OR5V1: variants seen among roughly 807,000 people sequenced by gnomAD.
OR5V1 encodes olfactory receptor family 5 subfamily V member 1.
For missense variants in OR5V1, 365 were observed against 371.5 expected, an observed-to-expected ratio of 0.98 and a Z score of 0.14; for synonymous variants, 134 against 143.2, an observed-to-expected ratio of 0.94 and a Z score of 0.46.
At chr6:29,367,044 A>G (rs1057486628) in intron 1 of OR5V1, among the ~76,000 whole-genome samples, 1 of 152,160 alleles carries the variant, frequency 6.6e-6, no homozygotes, top group Non-Finnish European at 1.5e-5. Flanking sequence ...AAACGACTAA[A>G]TGAAATAACT....
intron 1 of OR5V1, among the ~76,000 whole-genome samples, chr6:29,366,067 CACT>C (rs1778839692): frequency 1.3e-5 from 2 of 152,042 alleles, no homozygotes. Flanking sequence ...GAAAACCAGA[CACT>C]ACATGTTCTC....
rs373922483 is a variant in OR5V1 at position 29,367,496 on chromosome 6, A to G, written c.-83+1136T>C. On this transcript the variant is annotated intron_variant, in intron 1 of 1. Transcript: ENST00000641768. ...GTATAGCAAAATTTTCCAAGAAAAC[A>G]ATTGTATTTCCTCCCTTTTTTACAT... 7.9e-5 allele frequency among the ~76,000 whole-genome samples: 12 copies of G among 152,310 alleles called. No homozygotes were observed. The South Asian group carries it at 1.7e-3, about 21-fold the overall frequency.
At chr6:29,366,459 G>A (rs1163227062) in intron 1 of OR5V1, among the ~76,000 whole-genome samples, 1 of 152,054 alleles carries the variant, frequency 6.6e-6, no homozygotes, top group Non-Finnish European at 1.5e-5. Context: ...TCAGAGGAGA[G>A]GTATGTACTA....
At position 29,367,874 on chromosome 6, in the gene OR5V1, A is replaced by G. The variant is rs115614032; in HGVS notation, c.-83+758T>C. The stretch of plus-strand genomic sequence containing the variant: ...CAAGCAGCCATGGTCTTGACTCCTT[A>G]CTAAAGAACCGAAACTTGATATAAT... On this transcript the variant is annotated intron_variant, in intron 1 of 1. Transcript: ENST00000641768. Among the ~76,000 whole-genome samples the G allele has an allele frequency of 5.2e-3, 789 of 152,278 alleles. 5 individuals carry two copies. The highest frequency in any genetic ancestry group is 6.8e-3 in the Middle Eastern group (2 of 294).
intron 1 of OR5V1, among the ~76,000 whole-genome samples, chr6:29,364,183 C>T (rs190696977): frequency 5.3e-5 from 8 of 152,158 alleles, no homozygotes; most frequent in African/African-American, 1.7e-4. Flanking sequence ...CATGAGTGAA[C>T]TCCCATTCAC....
Position 29,355,897 on chromosome 6 carries a change from T to C in OR5V1, c.299A>G (p.Gln100Arg). The C allele has an allele frequency of 6.2e-7, 1 of 1,614,054 alleles. No individual in the cohort carries two copies. Residue 100 changes from glutamine to arginine, a missense_variant, in exon 2 of 2, where the codon CAA becomes CGA. Physicochemically the swap from Gln to Arg is conservative, Grantham distance 43. Coordinates refer to ENST00000641768, the MANE Select transcript of OR5V1 (RefSeq NM_030876.6). ...KSISYVGCVV[Q>R]LFAFVFFVGS... ...TACAAAGAAAACAAATGCAAAAAGTTGAACCACACACCCCACATAAGAAAT... is the reference window on the plus strand; with the variant it reads ...TACAAAGAAAACAAATGCAAAAAGTCGAACCACACACCCCACATAAGAAAT...
Position 29,355,101 on chromosome 6 carries a change from CT to C in OR5V1, c.*128del. The C allele has an allele frequency of 2.4e-6, 2 of 818,064 alleles. No individual in the cohort carries two copies. Among genetic ancestry groups the C allele is most frequent in the South Asian group, 4.3e-5 (2 of 46,908 alleles). The allele number at this position is 818,064 out of a possible 1,614,324, so 50.7% of individuals were successfully genotyped here. A position where few individuals can be genotyped will look rare whatever the true frequency, so the allele number is the denominator to read the frequency against. On this transcript the variant is annotated 3_prime_UTR_variant, in exon 2 of 2. Transcript: ENST00000641768. ...TAACTAAAGCTCAAGAATAAGTACA[CT>C]TAGACTGGAGTGTATCAACTCTTCA...
rs1474939881 is a variant in OR5V1, at chr6:29,366,836, G to A, written c.-83+1796C>T. Among the ~76,000 whole-genome samples the A allele has an allele frequency of 2.6e-5, 4 of 152,166 alleles. No individual in the cohort carries two copies. In the East Asian group the frequency reaches 5.8e-4, roughly 22 times the overall value. On this transcript the variant is annotated intron_variant, in intron 1 of 1. Transcript: ENST00000641768. ...TCAGCTGTCCAGTTCTCAAAATAGC[G>A]AAGGAGGACACACTTGGCTCAGCAG...
At chr6:29,365,121 T>C (rs938557368) in intron 1 of OR5V1, among the ~76,000 whole-genome samples, 1 of 152,044 alleles carries the variant, frequency 6.6e-6, no homozygotes, top group African/African-American at 2.4e-5. Context: ...ACTGGACCCC[T>C]CCCTTACACC....
Position 29,354,015 on chromosome 6 carries a change from G to T in OR5V1, c.*1215C>A, listed in dbSNP as rs1405391666. On this transcript the variant is annotated 3_prime_UTR_variant, in exon 2 of 2. Coordinates refer to ENST00000641768, the MANE Select transcript of OR5V1 (RefSeq NM_030876.6). ...GGAATGGAGACAAGGCACTCCACTA[G>T]AACACTATGACAACATTACACAAAA... 6.6e-6 allele frequency: 1 copy of T among 152,048 alleles called. No individual in the cohort carries two copies. Among genetic ancestry groups the T allele is most frequent in the African/African-American group, 2.4e-5 (1 of 41,424 alleles). 9.4% of individuals were successfully genotyped at this position (152,048 alleles called of 1,614,324 possible).
chr6:29,355,841 C>A lies in OR5V1; in HGVS notation c.355G>T (p.Ala119Ser). The change falls in exon 2 of 2, where the codon GCA becomes TCA. Residue 119 changes from alanine to serine, a missense_variant. Ala to Ser is a moderately conservative substitution (Grantham distance 99, BLOSUM62 1). Transcript: ENST00000641768. ...GSECLLLAAM[A>S]YDRYIAICNP... Reference sequence around the variant, plus strand: ...CAGATTGCAATGTAACGATCATATGCCATTGCTGCCAGTAGGAGACACTCT... The same window carrying A: ...CAGATTGCAATGTAACGATCATATGACATTGCTGCCAGTAGGAGACACTCT... 6.2e-7 allele frequency: 1 copy of A among 1,613,964 alleles called. No individual in the cohort carries two copies. Among genetic ancestry groups the A allele is most frequent in the Non-Finnish European group, 8.5e-7 (1 of 1,179,948 alleles).
At chr6:29,368,309 C>T (rs1778958185) in intron 1 of OR5V1, among the ~76,000 whole-genome samples, 1 of 152,146 alleles carries the variant, frequency 6.6e-6, no homozygotes, top group Non-Finnish European at 1.5e-5. Flanking sequence ...CTCTGCAGTC[C>T]AGTGGCATTT....
chr6:29,362,821 C>G (rs974644467), intron 1 of OR5V1, among the ~76,000 whole-genome samples: 1 of 152,126 alleles, frequency 6.6e-6, no homozygotes, highest in East Asian at 1.9e-4. Flanking sequence ...AAATTTAGAG[C>G]ACTAAATGCC....
chr6:29,368,073 AAG>A (rs1213780834), intron 1 of OR5V1, among the ~76,000 whole-genome samples: 2 of 152,180 alleles, frequency 1.3e-5, no homozygotes, highest in African/African-American at 4.8e-5. Context: ...CTCTTCATTA[AAG>A]AGTGTTCTCA....
intron 1 of OR5V1, among the ~76,000 whole-genome samples, chr6:29,365,274 C>A (rs1778794205): frequency 6.8e-6 from 1 of 147,906 alleles, no homozygotes; most frequent in South Asian, 2.1e-4. Context: ...AAAAGCAATG[C>A]AACAAAAGCC....
chr6:29,362,258 C>T (rs1318351469), intron 1 of OR5V1, among the ~76,000 whole-genome samples: 1 of 152,122 alleles, frequency 6.6e-6, no homozygotes, highest in Non-Finnish European at 1.5e-5. Flanking sequence ...TACATATGCA[C>T]CCAATAAAGG....
intron 1 of OR5V1, 123 bp from the exon 2 acceptor site, chr6:29,356,400 T>A (rs1199077463): frequency 3.8e-6 from 2 of 519,786 alleles, no homozygotes; most frequent in Non-Finnish European, 6.6e-6. Flanking sequence ...TATAAATACA[T>A]CCAATGTTTC....
At chr6:29,357,356 C>A (rs184141720) in intron 1 of OR5V1, among the ~76,000 whole-genome samples, 1 of 152,002 alleles carries the variant, frequency 6.6e-6, no homozygotes, top group South Asian at 2.1e-4. Context: ...GAAGATGTCA[C>A]GCAGCTAGCA....
Position 29,356,034 on chromosome 6 carries a change from G to T in OR5V1, c.162C>A (p.His54Gln). ...GAAAATAATACATAGGTGTATGCAG[G>T]TGTGGATCAGTCACAGTCGTCAAGA... ...LIILTTVTDP[H>Q]LHTPMYYFLG... Residue 54 changes from histidine (H) to glutamine (Q), a missense_variant, in exon 2 of 2, where the codon CAC (histidine) becomes CAA (glutamine). Transcript: ENST00000641768. 6.2e-7 allele frequency: 1 copy of T among 1,614,046 alleles called. No individual in the cohort carries two copies. The highest frequency in any genetic ancestry group is 8.5e-7 in the Non-Finnish European group (1 of 1,179,944).
Sources: gnomAD v4.1 joint callset for allele counts (sites outside exome capture counted in the v4.1 genomes callset) on GRCh38, gnomAD v4.1.1 for gene constraint, MANE v1.5 for transcripts, NCBI Gene and HGNC (gene_info 2026-07-23, HGNC 2026-07-21) for gene names.